RASA2: variants seen among roughly 807,000 people sequenced by gnomAD.
The protein encoded by RASA2 is RAS p21 protein activator 2, also known as ras GTPase-activating protein 2.
Under a neutral mutation model 118.2 loss-of-function variants are expected in RASA2, and 155 were observed. The ratio of observed to expected loss-of-function variants is 1.31; its 90% CI spans 1.15 to 1.50. The LOEUF (loss-of-function observed/expected upper bound fraction) is 1.50, where lower values mean the gene tolerates loss of function less well. Among genes scored for constraint, RASA2 ranks in the 40% most tolerant of loss-of-function variants. The pLI is 0.00. For synonymous variants in RASA2, 353 were observed against 349.1 expected, an observed-to-expected ratio of 1.01 and a Z score of -0.12; for missense variants, 1,016 against 1,009.6, an observed-to-expected ratio of 1.01 and a Z score of -0.09.
At chr3:141,579,873 T>C (rs1483442935) in intron 15 of RASA2, among the ~76,000 whole-genome samples, 2 of 151,398 alleles carry the variant, frequency 1.3e-5, no homozygotes, top group Admixed American at 1.3e-4. Flanking sequence ...CTGGCCAACA[T>C]GGCAAAACTC....
intron 6 of RASA2, among the ~76,000 whole-genome samples, chr3:141,555,027 C>T (rs1383197236): frequency 2.6e-5 from 4 of 151,914 alleles, no homozygotes; most frequent in African/African-American, 4.8e-5. Flanking sequence ...TTTGGGAGGC[C>T]GAGGCGGGTG....
chr3:141,609,815 T>C, intron 22 of RASA2, 62 bp from the exon 23 acceptor site: 1 of 1,418,536 alleles, frequency 7.0e-7, no homozygotes, highest in South Asian at 1.6e-5. Flanking sequence ...TTATTTGTAC[T>C]ACATATTGCA....
intron 2 of RASA2, among the ~76,000 whole-genome samples, chr3:141,513,389 C>G (rs1408916116): frequency 1.3e-5 from 2 of 151,910 alleles, no homozygotes; most frequent in Admixed American, 6.6e-5. Context: ...AATCTTTAGT[C>G]TTAATTCTCA....
intron 17 of RASA2, among the ~76,000 whole-genome samples, chr3:141,582,615 C>T (rs745926238): frequency 2.0e-5 from 3 of 152,072 alleles, no homozygotes; most frequent in Admixed American, 2.0e-4. Flanking sequence ...TCTGGGTCAC[C>T]CACTCACATT....
chr3:141,529,974 A>G (rs912365745), intron 4 of RASA2, among the ~76,000 whole-genome samples, 172 bp downstream of exon 4: 5 of 152,152 alleles, frequency 3.3e-5, no homozygotes, highest in African/African-American at 1.2e-4. Context: ...GCTTTGTCAT[A>G]TTGTTTCAAG....
In RASA2 at chr3:141,487,233, C is replaced by T; in HGVS notation, c.133+17C>T. ...GCAAGATCTGTAAGCGGGGGCTGGGCTGAGGGGACGCCCTGGCGGCGCTGG... is the reference window on the plus strand; with the variant it reads ...GCAAGATCTGTAAGCGGGGGCTGGGTTGAGGGGACGCCCTGGCGGCGCTGG... On this transcript the variant is annotated intron_variant, in intron 1 of 23. Coordinates refer to ENST00000286364, the MANE Select transcript of RASA2 (RefSeq NM_006506.5). The T allele has an allele frequency of 7.4e-7, 1 of 1,349,152 alleles. No homozygotes were observed. Among genetic ancestry groups the T allele is most frequent in the Non-Finnish European group, 9.6e-7 (1 of 1,041,850 alleles). 83.6% of individuals were successfully genotyped at this position (1,349,152 alleles called of 1,614,324 possible). A position where few individuals can be genotyped will look rare whatever the true frequency, so the allele number is the denominator to read the frequency against.
intron 1 of RASA2, among the ~76,000 whole-genome samples, chr3:141,506,927 A>G (rs1394095868): frequency 1.3e-5 from 2 of 151,916 alleles, no homozygotes; most frequent in African/African-American, 2.4e-5. Flanking sequence ...AAAAAAAAAA[A>G]AAAAAGAAAA....
intron 19 of RASA2, among the ~76,000 whole-genome samples, chr3:141,601,452 G>GA (rs904563457): frequency 3.4e-4 from 16 of 46,910 alleles, no homozygotes; most frequent in East Asian, 1.6e-3. Flanking sequence ...CAAAAAAAAA[G>GA]AAAAAAAAAA....
intron 19 of RASA2, among the ~76,000 whole-genome samples, chr3:141,587,704 A>G (rs1272188023): frequency 7.4e-6 from 1 of 134,326 alleles, no homozygotes; most frequent in Non-Finnish European, 1.5e-5. Flanking sequence ...ACAGAGCAAG[A>G]CTCCATCTCA....
intron 21 of RASA2, 26 bp downstream of exon 21, chr3:141,608,723 C>G: frequency 2.5e-6 from 4 of 1,587,370 alleles, no homozygotes; most frequent in Non-Finnish European, 3.5e-6. Flanking sequence ...ATTATAAAAG[C>G]AGTGTGTCAA....
intron 17 of RASA2, among the ~76,000 whole-genome samples, chr3:141,585,391 C>G (rs1323512123): frequency 2.0e-5 from 3 of 152,082 alleles, no homozygotes; most frequent in Non-Finnish European, 4.4e-5. Flanking sequence ...AAATCAAAGA[C>G]AAGATTTAAA....
chr3:141,609,395 C>A (rs761315618), intron 21 of RASA2, 25 bp from the exon 22 acceptor site: 32 of 1,387,138 alleles, frequency 2.3e-5, no homozygotes, highest in Non-Finnish European at 3.1e-5. Context: ...TGTATAATAT[C>A]TTTATTTTTT....
intron 9 of RASA2, among the ~76,000 whole-genome samples, chr3:141,561,939 T>G (rs1419853288): frequency 6.6e-6 from 1 of 152,062 alleles, no homozygotes; most frequent in African/African-American, 2.4e-5. Context: ...TCCTCAAACT[T>G]TTTTTTGTGG....
At chr3:141,609,357 G>A in intron 21 of RASA2, 63 bp from the exon 22 acceptor site, 1 of 1,023,418 alleles carries the variant, frequency 9.8e-7, no homozygotes, top group Non-Finnish European at 1.4e-6. Context: ...ACCATCAGAA[G>A]TCCTTGGCAT....
intron 19 of RASA2, chr3:141,589,986 T>C (rs1271392176): frequency 2.6e-6 from 1 of 381,306 alleles, no homozygotes; most frequent in Non-Finnish European, 5.1e-6. Flanking sequence ...GTTTAAAATT[T>C]TGGAATGACA....
At chr3:141,563,551 G>C (rs545618608) in intron 9 of RASA2, among the ~76,000 whole-genome samples, 55 of 152,084 alleles carry the variant, frequency 3.6e-4, no homozygotes, top group Non-Finnish European at 7.4e-4. Context: ...AATGTTATAT[G>C]TGTAACATTT....
chr3:141,550,155 A>G (rs1370720627), intron 5 of RASA2, among the ~76,000 whole-genome samples: 4 of 152,192 alleles, frequency 2.6e-5, no homozygotes, highest in Non-Finnish European at 5.9e-5. Flanking sequence ...AAAATCATCT[A>G]TGGATGCTAA....
At chr3:141,514,041 A>G (rs541630653) in intron 2 of RASA2, among the ~76,000 whole-genome samples, 66 of 152,298 alleles carry the variant, frequency 4.3e-4, no homozygotes, top group South Asian at 1.2e-3. Context: ...AAGAAGCACC[A>G]CTAATTATAA....
chr3:141,529,618 T>G (rs1308149791), intron 3 of RASA2, 90 bp from the exon 4 acceptor site: 8 of 775,100 alleles, frequency 1.0e-5, no homozygotes, highest in Non-Finnish European at 1.5e-5. Flanking sequence ...TTTAAAATAT[T>G]TTCTATAAAG....
Sources: allele counts gnomAD v4.1 joint callset (sites outside exome capture counted in the v4.1 genomes callset), GRCh38; gene constraint gnomAD v4.1.1; transcripts MANE v1.5; gene names NCBI Gene and HGNC (gene_info 2026-07-23, HGNC 2026-07-21).